The following FBN1 variants were observed in gnomAD, a reference collection of about 807,000 sequenced individuals.
FBN1 encodes the protein fibrillin-1.
FBN1 carries 29 observed loss-of-function variants against 365.1 expected under a neutral mutation model. The ratio of observed to expected loss-of-function variants is 0.08; its 90% confidence interval spans 0.06 to 0.11. The LOEUF is 0.11. FBN1 is among the 10% of genes least tolerant of loss of function. The pLI is 1.00. For missense variants in FBN1, 2,476 were observed against 3,703.2 expected, an observed-to-expected ratio of 0.67 and a Z score of 8.60; for synonymous variants, 1,210 against 1,270.5, an observed-to-expected ratio of 0.95 and a Z score of 1.01.
At chr15:48,580,889 G>A (rs1410812432) in intron 6 of FBN1, among the ~76,000 whole-genome samples, 1 of 152,078 alleles carries the variant, frequency 6.6e-6, no homozygotes, top group Non-Finnish European at 1.5e-5. Context: ...CGAGCCAGAG[G>A]GGTAGGAAAC....
chr15:48,562,009 G>A (rs534375893), intron 6 of FBN1, among the ~76,000 whole-genome samples: 5 of 152,222 alleles, frequency 3.3e-5, no homozygotes, highest in African/African-American at 1.2e-4. Context: ...TCTGCTGGGG[G>A]CCAGGAATCA....
At chr15:48,421,802 T>C in intron 61 of FBN1, 116 bp from the exon 62 acceptor site, 1 of 1,243,182 alleles carries the variant, frequency 8.0e-7, no homozygotes, top group Non-Finnish European at 1.2e-6. Context: ...CAACAACGCT[T>C]CACATACATG....
intron 42 of FBN1, among the ~76,000 whole-genome samples, 166 bp downstream of exon 42, chr15:48,462,916 C>T (rs1218941273): frequency 1.3e-5 from 2 of 152,162 alleles, no homozygotes; most frequent in African/African-American, 2.4e-5. Flanking sequence ...ACTCAGTGTT[C>T]GGCTGGAATG....
chr15:48,473,805 G>C (rs1271119938), intron 34 of FBN1, among the ~76,000 whole-genome samples: 2 of 148,766 alleles, frequency 1.3e-5, no homozygotes, highest in Non-Finnish European at 3.0e-5. Context: ...GTGAGAAATA[G>C]GCAAAAAAAA....
rs970944166 is a variant in FBN1 at position 48,586,415 on chromosome 15, A to G, written c.538+9868T>C. On this transcript the variant is annotated intron_variant, in intron 6 of 65. Transcript: ENST00000316623. ...AATGAGACTTAAACTTGACCTTGAA[A>G]GAAAAGGATCTAACCAGTATAGAAA... Among the ~76,000 whole-genome samples the G allele has an allele frequency of 7.9e-5, 12 of 152,166 alleles. No individual in the cohort carries two copies. In the South Asian group the frequency reaches 8.3e-4, roughly 11 times the overall value.
intron 6 of FBN1, among the ~76,000 whole-genome samples, chr15:48,550,962 T>TATGA (rs113964524): frequency 0.032 from 3,850 of 119,462 alleles, 121 homozygotes; most frequent in African/African-American, 0.077. Context: ...CTCAAGTATT[T>TATGA]ATGAATGAAT....
At chr15:48,468,902 A>T (rs2043344727) in intron 36 of FBN1, among the ~76,000 whole-genome samples, 1 of 151,600 alleles carries the variant, frequency 6.6e-6, no homozygotes, top group Non-Finnish European at 1.5e-5. Context: ...CCTCATCTCT[A>T]CTAAAAATAC....
chr15:48,531,720 G>C (rs1307944432), intron 8 of FBN1, among the ~76,000 whole-genome samples: 1 of 152,106 alleles, frequency 6.6e-6, no homozygotes, highest in Non-Finnish European at 1.5e-5. Context: ...TCGAAAAAGT[G>C]AACCCGGCTT....
intron 51 of FBN1, 112 bp from the exon 52 acceptor site, chr15:48,437,499 G>T: frequency 9.9e-7 from 1 of 1,007,648 alleles, no homozygotes; most frequent in South Asian, 1.4e-5. Flanking sequence ...GATAAATGAT[G>T]GAAAAAACAA....
chr15:48,542,999 A>G (rs1008307770), intron 6 of FBN1, among the ~76,000 whole-genome samples: 9 of 152,166 alleles, frequency 5.9e-5, no homozygotes, highest in African/African-American at 1.9e-4. Context: ...GTATTTCTCA[A>G]CTAGGACTGA....
chr15:48,573,689 C>CT (rs2044323542), intron 6 of FBN1, among the ~76,000 whole-genome samples: 1 of 152,194 alleles, frequency 6.6e-6, no homozygotes, highest in East Asian at 1.9e-4. Context: ...CCCTTGAAGT[C>CT]TGTCATGTTC....
At chr15:48,425,268 G>A in intron 60 of FBN1, 101 bp downstream of exon 60, 2 of 1,520,246 alleles carry the variant, frequency 1.3e-6, no homozygotes, top group Non-Finnish European at 1.8e-6. Context: ...CCTCCTGCCT[G>A]TAGAGCAGGT....
chr15:48,551,971 T>A (rs781016136), intron 6 of FBN1, among the ~76,000 whole-genome samples: 1 of 152,214 alleles, frequency 6.6e-6, no homozygotes, highest in Non-Finnish European at 1.5e-5. Flanking sequence ...AGCATACACA[T>A]GCATGTGTCT....
At chr15:48,528,184 C>A (rs555920378) in intron 8 of FBN1, among the ~76,000 whole-genome samples, 113 of 152,268 alleles carry the variant, frequency 7.4e-4, no homozygotes, top group African/African-American at 2.6e-3. Flanking sequence ...TGACAGCTAC[C>A]ATTCTTATTA....
intron 35 of FBN1, among the ~76,000 whole-genome samples, chr15:48,471,992 C>T (rs186157941): frequency 6.6e-6 from 1 of 152,304 alleles, no homozygotes; most frequent in East Asian, 1.9e-4. Context: ...CAAGGGTCCC[C>T]TATTGAACAG....
At chr15:48,425,654 T>G (rs2042973399) in intron 59 of FBN1, 85 bp downstream of exon 59, 1 of 1,561,716 alleles carries the variant, frequency 6.4e-7, no homozygotes, top group East Asian at 2.2e-5. Context: ...CTGCACAGAC[T>G]TTTTAGATTT....
At chr15:48,576,745 T>C (rs892429370) in intron 6 of FBN1, among the ~76,000 whole-genome samples, 5 of 152,034 alleles carry the variant, frequency 3.3e-5, no homozygotes, top group Non-Finnish European at 7.4e-5. Context: ...GTGTGGGGGA[T>C]GGTGGGAGCA....
At chr15:48,633,046 C>T (rs1488924412) in intron 2 of FBN1, among the ~76,000 whole-genome samples, 2 of 152,204 alleles carry the variant, frequency 1.3e-5, no homozygotes, top group South Asian at 2.1e-4. Flanking sequence ...TCTCCTCAGA[C>T]ATTAACCCCA....
chr15:48,542,313 A>G (rs1232763921), intron 6 of FBN1, among the ~76,000 whole-genome samples: 2 of 152,202 alleles, frequency 1.3e-5, no homozygotes, highest in Admixed American at 6.5e-5. Context: ...ACAAGGATAT[A>G]ATTTTGGGCA....
Sources: allele counts gnomAD v4.1 joint callset (sites outside exome capture counted in the v4.1 genomes callset), GRCh38; gene constraint gnomAD v4.1.1; transcripts MANE v1.5; gene names NCBI Gene and HGNC (gene_info 2026-07-23, HGNC 2026-07-21).